The following PDZK1 variants were observed in gnomAD, a reference collection of about 807,000 sequenced individuals.
The protein encoded by PDZK1 is PDZ domain containing 1.
Under a neutral mutation model 38.1 loss-of-function variants are expected in PDZK1, and 23 were observed. The ratio of observed to expected loss-of-function variants is 0.60; its 90% CI spans 0.43 to 0.85. The LOEUF is 0.85. PDZK1 is among the 40% of genes least tolerant of loss of function. The probability of loss-of-function intolerance (pLI) is 0.00; values close to 1 mark genes in which losing one functional copy is unlikely to be tolerated. For missense variants in PDZK1, 297 were observed against 504.3 expected, an observed-to-expected ratio of 0.59 and a Z score of 3.94; for synonymous variants, 98 against 186.2, an observed-to-expected ratio of 0.53 and a Z score of 3.86.
intron 6 of PDZK1, among the ~76,000 whole-genome samples, chr1:145,674,644 C>A (rs1653459968): frequency 6.6e-6 from 1 of 152,048 alleles, no homozygotes; most frequent in Admixed American, 6.6e-5. Flanking sequence ...TGCACAGAAG[C>A]AAACAAGTAG....
At chr1:145,675,892 C>A (rs1653609900) in intron 6 of PDZK1, among the ~76,000 whole-genome samples, 1 of 151,962 alleles carries the variant, frequency 6.6e-6, no homozygotes, top group Non-Finnish European at 1.5e-5. Context: ...GTAGCACACA[C>A]CTGTAGTCCC....
intron 1 of PDZK1, among the ~76,000 whole-genome samples, chr1:145,690,762 C>A (rs1051272562): frequency 2.0e-5 from 3 of 152,108 alleles, no homozygotes; most frequent in Non-Finnish European, 2.9e-5. Flanking sequence ...GAGAACCAGC[C>A]CTGTGTTTGG....
chr1:145,676,143 A>G (rs1372706521), intron 6 of PDZK1: 3 of 980,076 alleles, frequency 3.1e-6, no homozygotes, highest in South Asian at 4.7e-5. Flanking sequence ...CTCCACCCCA[A>G]CCTACAGGGC....
intron 2 of PDZK1, among the ~76,000 whole-genome samples, chr1:145,687,365 A>C (rs1654874191): frequency 7.3e-6 from 1 of 136,726 alleles, no homozygotes; most frequent in Admixed American, 7.2e-5. Flanking sequence ...TAAAAATACA[A>C]AAAAAAAAAA....
At chr1:145,703,729 G>GA in intron 1 of PDZK1, among the ~76,000 whole-genome samples, 2 of 151,892 alleles carry the variant, frequency 1.3e-5, no homozygotes, top group East Asian at 3.9e-4. Flanking sequence ...GTTATATGTT[G>GA]AAAAAAAGAA....
intron 3 of PDZK1, among the ~76,000 whole-genome samples, chr1:145,684,532 A>T (rs1328191252): frequency 1.3e-5 from 2 of 152,144 alleles, no homozygotes; most frequent in African/African-American, 2.4e-5. Context: ...TTATTGATAC[A>T]TAACATTTGT....
chr1:145,686,860 A>C, intron 2 of PDZK1, 134 bp from the exon 3 acceptor site: 1 of 898,718 alleles, frequency 1.1e-6, no homozygotes. Flanking sequence ...AGAAGCAGGT[A>C]GTTCCTCAGC....
At chr1:145,686,380 C>G in intron 3 of PDZK1, 97 bp downstream of exon 3, 1 of 1,520,370 alleles carries the variant, frequency 6.6e-7, no homozygotes, top group South Asian at 1.3e-5. Flanking sequence ...AAAAGTCAGT[C>G]AAAGAAGAAA....
chr1:145,684,194 C>G (rs1284301), intron 3 of PDZK1, among the ~76,000 whole-genome samples: 79,530 of 146,402 alleles, frequency 0.54, 21,920 homozygotes, highest in Non-Finnish European at 0.6. Flanking sequence ...CATCACTATC[C>G]TTGCATTTTT....
intron 1 of PDZK1, among the ~76,000 whole-genome samples, chr1:145,694,895 CAAAAAAAAA>C (rs10657290): frequency 3.3e-4 from 13 of 39,796 alleles, no homozygotes; most frequent in Admixed American, 2.6e-3. Flanking sequence ...GACTCTGTCT[CAAAAAAAAA>C]AAAAAAAAAA....
chr1:145,678,888 T>C (rs1653973714), intron 5 of PDZK1, among the ~76,000 whole-genome samples: 1 of 148,658 alleles, frequency 6.7e-6, no homozygotes, highest in African/African-American at 2.5e-5. Flanking sequence ...TTAACGAAAA[T>C]AATCCTGTTA....
chr1:145,706,469 G>T (rs1423306047), intron 1 of PDZK1, among the ~76,000 whole-genome samples: 1 of 152,144 alleles, frequency 6.6e-6, no homozygotes, highest in Non-Finnish European at 1.5e-5. Flanking sequence ...ACTGAAAGCT[G>T]CCCTGGTGAC....
chr1:145,699,745 C>G (rs1655849172), intron 1 of PDZK1, among the ~76,000 whole-genome samples: 1 of 152,180 alleles, frequency 6.6e-6, no homozygotes, highest in Admixed American at 6.5e-5. Context: ...TTGTTTCCAT[C>G]TTCCCCCAGG....
At chr1:145,694,287 A>T (rs1270955780) in intron 1 of PDZK1, among the ~76,000 whole-genome samples, 5 of 152,172 alleles carry the variant, frequency 3.3e-5, no homozygotes, top group African/African-American at 1.2e-4. Context: ...ACCCTGGAGG[A>T]TGAGTGATGG....
chr1:145,699,410 C>G (rs1473647046), intron 1 of PDZK1, among the ~76,000 whole-genome samples: 1 of 152,110 alleles, frequency 6.6e-6, no homozygotes, highest in African/African-American at 2.4e-5. Flanking sequence ...CAGCAAGACT[C>G]CATCTCAAAC....
At chr1:145,704,274 C>T (rs957763333) in intron 1 of PDZK1, among the ~76,000 whole-genome samples, 4 of 152,184 alleles carry the variant, frequency 2.6e-5, no homozygotes, top group African/African-American at 7.2e-5. Context: ...CATGGTTCTA[C>T]GCAGCTTTAT....
intron 1 of PDZK1, among the ~76,000 whole-genome samples, chr1:145,692,448 C>T (rs587732033): frequency 1.3e-4 from 20 of 152,264 alleles, no homozygotes; most frequent in African/African-American, 3.9e-4. Context: ...TGGTGGCTCA[C>T]GCCTGTAATC....
At chr1:145,702,846 T>C (rs1356959048) in intron 1 of PDZK1, among the ~76,000 whole-genome samples, 2 of 152,126 alleles carry the variant, frequency 1.3e-5, no homozygotes, top group Non-Finnish European at 2.9e-5. Flanking sequence ...TGAGCCAAGA[T>C]CGTGCCACTG....
At chr1:145,694,228 C>G in intron 1 of PDZK1, among the ~76,000 whole-genome samples, 1 of 152,326 alleles carries the variant, frequency 6.6e-6, no homozygotes, top group East Asian at 1.9e-4. Flanking sequence ...TCCTCCAAAC[C>G]TATGGGCAGA....
Sources: gnomAD v4.1 joint callset for allele counts (sites outside exome capture counted in the v4.1 genomes callset) on GRCh38, gnomAD v4.1.1 for gene constraint, MANE v1.5 for transcripts, NCBI Gene and HGNC (gene_info 2026-07-23, HGNC 2026-07-21) for gene names.